The following IKZF2 variants were observed in gnomAD, a reference collection of about 807,000 sequenced individuals.
IKZF2 encodes the protein zinc finger protein Helios.
Under a neutral mutation model 49.2 loss-of-function variants are expected in IKZF2, and 15 were observed. The ratio of observed to expected loss-of-function variants is 0.30; its 90% CI spans 0.20 to 0.47. IKZF2 has a LOEUF of 0.47. Ranked by LOEUF, IKZF2 falls within the 20% of genes least tolerant of loss-of-function variation. The pLI, the probability that IKZF2 is intolerant of heterozygous loss-of-function variation, is 1.00. For missense variants in IKZF2, 567 were observed against 664.6 expected (o/e 0.85, Z 1.61); for synonymous variants, 227 against 221.4 (o/e 1.03, Z -0.23).
In IKZF2 at chr2:213,022,072, C is replaced by T. The variant is rs1697289553; in HGVS notation, c.633G>A (p.Leu211=). ...CGRSYKQRSS[L]EEHKERCHNY... The stretch of plus-strand genomic sequence containing the variant: ...TGTGGCAGCGTTCCTTGTGCTCCTC[C>T]AGTGAACTGCGCTGCTTGTAGCTTC... Residue 211 remains leucine (L), a synonymous_variant, in exon 7 of 9, where the codon CTG becomes CTA. Coordinates refer to ENST00000434687, the MANE Select transcript of IKZF2 (RefSeq NM_001387220.1). The T allele has an allele frequency of 6.2e-7, 1 of 1,613,864 alleles. No individual in the cohort carries two copies. Among genetic ancestry groups the T allele is most frequent in the Non-Finnish European group, 8.5e-7 (1 of 1,179,824 alleles).
Position 213,083,384 on chromosome 2 carries a change from C to CTTTTTT in IKZF2, c.140-26291_140-26286dup, listed in dbSNP as rs753296985. The stretch of plus-strand genomic sequence containing the variant: ...ACTAGATTCTCATAGGACGGCGAAC[C>CTTTTTT]TTTTTTTTTTTTTTTTTTTTTTTGA... On this transcript the variant is annotated intron_variant, in intron 4 of 8. Coordinates refer to ENST00000434687, the MANE Select transcript of IKZF2 (RefSeq NM_001387220.1). Among the ~76,000 whole-genome samples, 153 of 80,150 alleles carry CTTTTTT rather than the reference C, an allele frequency of 1.9e-3. 4 individuals are homozygous for CTTTTTT. The highest frequency in any genetic ancestry group is 6.9e-3 in the African/African-American group (115 of 16,734). The allele number at this position is 80,150 out of a possible 152,430, so 52.6% of individuals were successfully genotyped here. A position where few individuals can be genotyped will look rare whatever the true frequency, so the allele number is the denominator to read the frequency against.
At chr2:213,064,202 A>G (rs1358722562) in intron 4 of IKZF2, among the ~76,000 whole-genome samples, 1 of 151,956 alleles carries the variant, frequency 6.6e-6, no homozygotes, top group Non-Finnish European at 1.5e-5. Context: ...CAGCAATTTG[A>G]GCAGTAAGTC....
chr2:213,090,521 T>G (rs1705184952), intron 4 of IKZF2, among the ~76,000 whole-genome samples: 1 of 152,156 alleles, frequency 6.6e-6, no homozygotes, highest in Non-Finnish European at 1.5e-5. Flanking sequence ...CAGAAGACAA[T>G]TATACAATAA....
chr2:213,030,729 AT>A (rs760865538), intron 6 of IKZF2, among the ~76,000 whole-genome samples: 90 of 151,676 alleles, frequency 5.9e-4, no homozygotes, highest in African/African-American at 2.0e-3. Context: ...GCAAGTAAAT[AT>A]TTTTTTGTGA....
chr2:213,056,275 A>G (rs913039623), intron 5 of IKZF2, among the ~76,000 whole-genome samples: 3 of 152,152 alleles, frequency 2.0e-5, no homozygotes, highest in Non-Finnish European at 2.9e-5. Flanking sequence ...AATCCTACAT[A>G]TATCCTTGCA....
chr2:213,021,835 A>G (rs1248206852), intron 7 of IKZF2, 158 bp downstream of exon 7: 1 of 794,496 alleles, frequency 1.3e-6, no homozygotes, highest in Admixed American at 2.9e-5. Context: ...GGAGTATTGC[A>G]AAATTTCAAT....
intron 5 of IKZF2, among the ~76,000 whole-genome samples, chr2:213,053,902 T>G (rs561869081): frequency 6.6e-6 from 1 of 152,334 alleles, no homozygotes; most frequent in African/African-American, 2.4e-5. Flanking sequence ...GGATTCGATC[T>G]GATGCTCCAT....
chr2:213,068,841 G>C (rs892016473), intron 4 of IKZF2, among the ~76,000 whole-genome samples: 24 of 151,372 alleles, frequency 1.6e-4, no homozygotes, highest in African/African-American at 5.6e-4. Flanking sequence ...AAAAGATAGT[G>C]CAATGTGATA....
intron 4 of IKZF2, among the ~76,000 whole-genome samples, chr2:213,112,517 G>C (rs1359457194): frequency 6.7e-6 from 1 of 148,244 alleles, no homozygotes; most frequent in East Asian, 2.0e-4. Flanking sequence ...GACAGATTGT[G>C]CAGTGGCACG....
At chr2:213,122,938 A>T (rs554543482) in intron 4 of IKZF2, among the ~76,000 whole-genome samples, 2 of 152,236 alleles carry the variant, frequency 1.3e-5, no homozygotes, top group South Asian at 4.1e-4. Flanking sequence ...CACCATCCTA[A>T]CGATTTAGAT....
intron 6 of IKZF2, among the ~76,000 whole-genome samples, chr2:213,045,768 C>T (rs1303039785): frequency 3.3e-5 from 5 of 152,132 alleles, no homozygotes; most frequent in Non-Finnish European, 7.4e-5. Context: ...CACCTTCCTT[C>T]GTGAAAATGA....
In IKZF2 at chr2:213,049,743, C is replaced by A; in HGVS notation, c.544G>T (p.Ala182Ser). ...TGGGTCCTGAGGTGTCCTGTGAGGGCGTCCCTTCTTCTACAGGCGTAGCTA... is the reference window on the plus strand; with the variant it reads ...TGGGTCCTGAGGTGTCCTGTGAGGGAGTCCCTTCTTCTACAGGCGTAGCTA... Reference protein sequence around the residue: ...FCSYACRRRDALTGHLRTHSV... With the variant: ...FCSYACRRRDSLTGHLRTHSV... Residue 182 changes from alanine (A) to serine (S), a missense_variant, in exon 6 of 9, where the codon GCC (alanine) becomes TCC (serine). By Grantham distance (99) the Ala-to-Ser change is moderately conservative. Around this residue, in one of 5 missense-constraint regions of IKZF2, gnomAD observed 54 missense variants for 119.9 expected, o/e 0.45. Transcript: ENST00000434687. The A allele has an allele frequency of 6.2e-7, 1 of 1,607,866 alleles. No homozygotes were observed. The highest frequency in any genetic ancestry group is 1.1e-5 in the South Asian group (1 of 90,124).
intron 4 of IKZF2, among the ~76,000 whole-genome samples, chr2:213,134,015 C>G (rs1016503467): frequency 6.6e-6 from 1 of 152,084 alleles, no homozygotes; most frequent in Non-Finnish European, 1.5e-5. Flanking sequence ...TAAAGTTTAT[C>G]TCACAACTGA....
At chr2:213,134,019 C>T (rs764393643) in intron 4 of IKZF2, among the ~76,000 whole-genome samples, 33 of 152,118 alleles carry the variant, frequency 2.2e-4, no homozygotes, top group Non-Finnish European at 4.0e-4. Context: ...GTTTATCTCA[C>T]AACTGATAAA....
intron 7 of IKZF2, chr2:213,015,201 C>T (rs1365298053): frequency 2.0e-5 from 3 of 151,940 alleles, no homozygotes; most frequent in Non-Finnish European, 4.4e-5. Context: ...ATGATTTGGA[C>T]ATGTTTAAAG....
At chr2:213,008,697 G>C (rs1338262865) in intron 8 of IKZF2, among the ~76,000 whole-genome samples, 1 of 152,048 alleles carries the variant, frequency 6.6e-6, no homozygotes, top group East Asian at 1.9e-4. Flanking sequence ...AGCTCAAGGA[G>C]AATAGGAGGA....
chr2:213,088,130 A>G (rs1704871693), intron 4 of IKZF2, among the ~76,000 whole-genome samples: 1 of 152,166 alleles, frequency 6.6e-6, no homozygotes, highest in Non-Finnish European at 1.5e-5. Context: ...CAACAGTGTA[A>G]AAGTGTTCCC....
chr2:213,127,178 A>C (rs529726080), intron 4 of IKZF2, among the ~76,000 whole-genome samples: 15 of 152,348 alleles, frequency 9.8e-5, no homozygotes, highest in Admixed American at 4.6e-4. Flanking sequence ...CTTATTATTC[A>C]TTAGCTATGA....
chr2:213,143,990 C>T (rs1223358125), intron 4 of IKZF2, among the ~76,000 whole-genome samples: 1 of 151,890 alleles, frequency 6.6e-6, no homozygotes, highest in African/African-American at 2.4e-5. Flanking sequence ...CATCTTTCTG[C>T]TAAGTTCTCT....
Sources: allele counts gnomAD v4.1 joint callset (sites outside exome capture counted in the v4.1 genomes callset), GRCh38; gene constraint gnomAD v4.1.1; regional missense constraint gnomAD v4.1.1; transcripts MANE v1.5; gene names NCBI Gene and HGNC (gene_info 2026-07-23, HGNC 2026-07-21).